Variants in NUP88 observed in about 807,000 individuals in gnomAD.
NUP88 encodes the protein nuclear pore complex protein Nup88.
NUP88 carries 57 observed loss-of-function variants against 93.9 expected under a neutral mutation model. The observed-to-expected ratio is 0.61, with a 90% CI of 0.49 to 0.76. The LOEUF (loss-of-function observed/expected upper bound fraction) is 0.76, where lower values mean the gene tolerates loss of function less well. NUP88 is among the 30% of genes least tolerant of loss of function. NUP88 has a pLI of 0.00. For missense variants in NUP88, 911 were observed against 901.0 expected (o/e 1.01, Z -0.14); for synonymous variants, 346 against 336.8 (o/e 1.03, Z -0.30).
rs1356684858 is a variant in NUP88 at position 5,384,852 on chromosome 17, A to T, written c.*1354T>A. ...TAACTATTGAGTTACAGGGGATTTT[A>T]TTAATTATAAAATGCAATCAATTTA... On this transcript the variant is annotated 3_prime_UTR_variant, in exon 17 of 17. Transcript: ENST00000573584. 2 of 219,152 alleles carry T rather than the reference A, an allele frequency of 9.1e-6. No individual in the cohort carries two copies. Among genetic ancestry groups the T allele is most frequent in the African/African-American group, 4.5e-5 (2 of 44,736 alleles). The allele number at this position is 219,152 out of a possible 1,614,324, so 13.6% of individuals were successfully genotyped here. A position where few individuals can be genotyped will look rare whatever the true frequency, so the allele number is the denominator to read the frequency against.
intron 2 of NUP88, among the ~76,000 whole-genome samples, chr17:5,414,629 T>C (rs1914030876): frequency 6.6e-6 from 1 of 152,114 alleles, no homozygotes; most frequent in Non-Finnish European, 1.5e-5. Context: ...TCTTCTAAAT[T>C]ATAGCACACT....
chr17:5,392,877 C>A (rs1478882876), intron 9 of NUP88, among the ~76,000 whole-genome samples: 1 of 152,150 alleles, frequency 6.6e-6, no homozygotes, highest in Non-Finnish European at 1.5e-5. Context: ...GCAGCCTTGA[C>A]CTCGTGGGCT....
chr17:5,390,097 A>G (rs1028421612), intron 10 of NUP88, among the ~76,000 whole-genome samples: 4 of 149,244 alleles, frequency 2.7e-5, no homozygotes, highest in African/African-American at 9.9e-5. Context: ...CCCGGGAGGC[A>G]GAGGTTGCAG....
chr17:5,410,335 A>G (rs1913759368), intron 4 of NUP88, among the ~76,000 whole-genome samples: 1 of 152,228 alleles, frequency 6.6e-6, no homozygotes, highest in African/African-American at 2.4e-5. Context: ...ATTCTAGTTC[A>G]ATACAAAGTT....
intron 8 of NUP88, 152 bp from the exon 9 acceptor site, chr17:5,395,133 CA>C (rs1350428554): frequency 1.0e-5 from 6 of 591,922 alleles, no homozygotes; most frequent in African/African-American, 1.9e-5. Flanking sequence ...TACGCTTTCC[CA>C]GGGGGTCTAG....
At chr17:5,416,180 T>TATATACACACACATAC (rs1374990658) in intron 2 of NUP88, among the ~76,000 whole-genome samples, 1 of 107,338 alleles carries the variant, frequency 9.3e-6, no homozygotes, top group African/African-American at 3.6e-5. Flanking sequence ...TATATATATA[T>TATATACACACACATAC]ACACACATAC....
intron 1 of NUP88, among the ~76,000 whole-genome samples, chr17:5,417,063 T>A (rs1914195213): frequency 6.6e-6 from 1 of 152,094 alleles, no homozygotes; most frequent in Non-Finnish European, 1.5e-5. Context: ...GTTCCCGTGC[T>A]CACAAGATCC....
rs370847801 is a variant in NUP88 at position 5,391,584 on chromosome 17, A to G, written c.1461T>C (p.Tyr487=). The part of the protein sequence containing the change: ...GPTMICITST[Y]ECLIWPLLST... ...ACAATAACGGCCATATGAGGCATTC[A>G]TAGGTACTGGTGATGCAGATCATCG... Residue 487 remains tyrosine, a synonymous_variant, in exon 10 of 17, where the codon TAT becomes TAC. Coordinates refer to ENST00000573584, the MANE Select transcript of NUP88 (RefSeq NM_002532.6). The G allele has an allele frequency of 1.6e-5, 26 of 1,613,908 alleles. No homozygotes were observed. The highest frequency in any genetic ancestry group is 2.0e-5 in the Non-Finnish European group (24 of 1,179,746).
rs1276599909 is a variant in NUP88, at chr17:5,386,735, T to C, written c.2135A>G (p.Lys712Arg). ...CTCTTTCAGGATGGACTGAATGCAC[T>C]TTCGCTGGTAGGCACTGAGAATAAT... is the stretch of plus-strand genomic sequence containing the variant. Reference protein sequence around the residue: ...PTIILSAYQRKCIQSILKEEG... With the variant: ...PTIILSAYQRRCIQSILKEEG... The change falls in exon 16 of 17, where the codon AAG (lysine) becomes AGG (arginine). Residue 712 changes from lysine to arginine, a missense_variant. Coordinates refer to ENST00000573584, the MANE Select transcript of NUP88 (RefSeq NM_002532.6). The C allele has an allele frequency of 3.7e-6, 6 of 1,612,842 alleles. No homozygotes were observed. The South Asian group carries it at 6.6e-5, about 18-fold the overall frequency.
chr17:5,409,398 T>C (rs1044323418), intron 4 of NUP88, among the ~76,000 whole-genome samples: 7 of 145,534 alleles, frequency 4.8e-5, no homozygotes, highest in African/African-American at 1.8e-4. Flanking sequence ...AAAAAAAAAT[T>C]CTCATGAAAT....
chr17:5,391,027 A>G (rs1162127988), intron 10 of NUP88, among the ~76,000 whole-genome samples: 1 of 152,210 alleles, frequency 6.6e-6, no homozygotes, highest in Non-Finnish European at 1.5e-5. Flanking sequence ...TCAGGCTGGC[A>G]GAGATGGAGA....
chr17:5,411,651 T>C (rs756385347), intron 3 of NUP88, among the ~76,000 whole-genome samples: 51 of 120,506 alleles, frequency 4.2e-4, no homozygotes, highest in Non-Finnish European at 7.4e-4. Context: ...GAAAGTATAA[T>C]ACTGAATTTT....
At chr17:5,399,820 A>G (rs887842480) in intron 7 of NUP88, among the ~76,000 whole-genome samples, 170 bp from the exon 8 acceptor site, 2 of 152,210 alleles carry the variant, frequency 1.3e-5, no homozygotes, top group African/African-American at 4.8e-5. Context: ...TTTGAATTCA[A>G]ATTTCAAATA....
intron 4 of NUP88, 77 bp from the exon 5 acceptor site, chr17:5,408,986 A>C: frequency 1.5e-6 from 2 of 1,294,552 alleles, no homozygotes; most frequent in Non-Finnish European, 2.1e-6. Context: ...ACAAAACAAA[A>C]ACACAAAATG....
Position 5,399,656 on chromosome 17 carries a change from A to G in NUP88, c.1193-6T>C. ...TCTTGAAGGACACTTGGGATCTGCA[A>G]ATGGAATGATTAATGATACAAAGGT... On this transcript the variant is annotated splice_polypyrimidine_tract_variant and splice_region_variant and intron_variant, in intron 7 of 16. Transcript: ENST00000573584. 1 of 1,518,910 alleles carries G rather than the reference A, an allele frequency of 6.6e-7. No homozygotes were observed. The highest frequency in any genetic ancestry group is 9.1e-7 in the Non-Finnish European group (1 of 1,099,386). The allele number at this position is 1,518,910 out of a possible 1,614,324, so 94.1% of individuals were successfully genotyped here.
chr17:5,389,016 G>C (rs759011967), intron 10 of NUP88, 56 bp from the exon 11 acceptor site: 3 of 1,338,580 alleles, frequency 2.2e-6, no homozygotes, highest in Non-Finnish European at 3.1e-6. Flanking sequence ...CTGTATTACA[G>C]GAAAGCAGAA....
At chr17:5,400,694 G>A (rs1473793371) in intron 7 of NUP88, among the ~76,000 whole-genome samples, 1 of 152,026 alleles carries the variant, frequency 6.6e-6, no homozygotes, top group Admixed American at 6.6e-5. Flanking sequence ...TGCATACATC[G>A]ACTTAAATAA....
At chr17:5,419,260 G>A in intron 1 of NUP88, 94 bp downstream of exon 1, 30 of 1,373,366 alleles carry the variant, frequency 2.2e-5, no homozygotes, top group Non-Finnish European at 2.9e-5. Context: ...TGGAACGCCT[G>A]CCACAAGATG....
rs184159637 is a variant in NUP88, at chr17:5,408,128, A to G, written c.857+605T>C. On this transcript the variant is annotated intron_variant, in intron 5 of 16. Transcript: ENST00000573584. ...TCAGCTCTAGCCCAGAATGTCTAAT[A>G]AATTAAGCTTGAATGACACTTGCAC... Among the ~76,000 whole-genome samples the G allele has an allele frequency of 9.8e-5, 15 of 152,352 alleles. No individual in the cohort carries two copies. The East Asian group carries it at 2.9e-3, about 29-fold the overall frequency.
Sources: gnomAD v4.1 joint callset for allele counts (sites outside exome capture counted in the v4.1 genomes callset) on GRCh38, gnomAD v4.1.1 for gene constraint, MANE v1.5 for transcripts, NCBI Gene and HGNC (gene_info 2026-07-23, HGNC 2026-07-21) for gene names.